ARHGAP26: variants seen among roughly 807,000 people sequenced by gnomAD.
ARHGAP26 encodes the protein rho GTPase-activating protein 26.
A neutral mutation model predicts 104.8 loss-of-function variants in ARHGAP26; 38 were observed. That is an observed-to-expected ratio of 0.36 (90% CI 0.28 to 0.48). The LOEUF (loss-of-function observed/expected upper bound fraction) is 0.48, where lower values mean the gene tolerates loss of function less well. Ranked by LOEUF, ARHGAP26 falls within the 20% of genes least tolerant of loss-of-function variation. ARHGAP26 has a pLI of 0.99. For synonymous variants in ARHGAP26, 341 were observed against 340.0 expected (o/e 1.00, Z -0.03); for missense variants, 704 against 947.9 (o/e 0.74, Z 3.38).
intron 12 of ARHGAP26, among the ~76,000 whole-genome samples, chr5:143,017,113 A>G (rs1403779222): frequency 3.9e-5 from 6 of 152,324 alleles, no homozygotes; most frequent in Admixed American, 3.3e-4. Flanking sequence ...AAATGTCTAG[A>G]GTCCAAATTC....
intron 1 of ARHGAP26, among the ~76,000 whole-genome samples, chr5:142,842,617 A>G (rs1771038634): frequency 6.6e-6 from 1 of 152,168 alleles, no homozygotes; most frequent in Admixed American, 6.5e-5. Context: ...CCAATAATTG[A>G]TCTAAAAGTG....
chr5:142,772,983 T>G, intron 1 of ARHGAP26: 1 of 494,124 alleles, frequency 2.0e-6, no homozygotes, highest in Admixed American at 2.1e-5. Context: ...AGCCCTGTAA[T>G]CTGGAGGAAA....
chr5:143,059,099 G>A lies in ARHGAP26; in HGVS notation c.1538+1352G>A, dbSNP rs543440917. ...AGTTCCACACAACCTAGAGTCAGGCGTTTGTTAAGCAGAGAAGCTGGTTTA... is the reference window on the plus strand; with the variant it reads ...AGTTCCACACAACCTAGAGTCAGGCATTTGTTAAGCAGAGAAGCTGGTTTA... On this transcript the variant is annotated intron_variant, in intron 17 of 22. Coordinates refer to ENST00000645722, the MANE Select transcript of ARHGAP26 (RefSeq NM_001135608.3). Among the ~76,000 whole-genome samples the A allele has an allele frequency of 1.3e-3, 191 of 152,346 alleles. 1 individual carries two copies. The highest frequency in any genetic ancestry group is 4.5e-3 in the African/African-American group (189 of 41,574).
At chr5:142,919,517 A>C in intron 10 of ARHGAP26, 1 of 397,524 alleles carries the variant, frequency 2.5e-6, no homozygotes, top group Non-Finnish European at 4.4e-6. Context: ...GGCCTTTCTC[A>C]ATGAAGCAGC....
chr5:143,159,193 T>G (rs1562526510), intron 20 of ARHGAP26, among the ~76,000 whole-genome samples: 1 of 152,216 alleles, frequency 6.6e-6, no homozygotes, highest in East Asian at 1.9e-4. Flanking sequence ...AATAAATGCC[T>G]TGGCCGTCTC....
At chr5:143,012,576 T>TATATATATATGTATATATA (rs1554195628) in intron 11 of ARHGAP26, among the ~76,000 whole-genome samples, 2 of 57,030 alleles carry the variant, frequency 3.5e-5, no homozygotes, top group Non-Finnish European at 1.0e-4. Context: ...TATATATATA[T>TATATATATATGTATATATA]TATGATCAGG....
intron 20 of ARHGAP26, among the ~76,000 whole-genome samples, chr5:143,194,509 G>T (rs1806477360): frequency 6.6e-6 from 1 of 151,818 alleles, no homozygotes. Flanking sequence ...AAACCTTTTT[G>T]CACTATAAGT....
At chr5:143,133,222 A>G (rs1462980045) in intron 18 of ARHGAP26, among the ~76,000 whole-genome samples, 1 of 142,956 alleles carries the variant, frequency 7.0e-6, no homozygotes, top group Non-Finnish European at 1.5e-5. Context: ...CCCTCCTCCA[A>G]AAAAAAAGCT....
intron 11 of ARHGAP26, among the ~76,000 whole-genome samples, chr5:142,993,873 G>A (rs1236350733): frequency 1.3e-5 from 2 of 151,206 alleles, no homozygotes; most frequent in Non-Finnish European, 2.9e-5. Flanking sequence ...GACTCCTTAT[G>A]TTGCCCAGAT....
At chr5:143,205,860 T>C (rs970770756) in intron 20 of ARHGAP26, among the ~76,000 whole-genome samples, 14 of 152,218 alleles carry the variant, frequency 9.2e-5, no homozygotes, top group Admixed American at 6.5e-4. Context: ...CTACAGACAC[T>C]GGATATTTTA....
intron 12 of ARHGAP26, among the ~76,000 whole-genome samples, chr5:143,018,150 A>C (rs1486297259): frequency 6.6e-6 from 1 of 152,162 alleles, no homozygotes; most frequent in African/African-American, 2.4e-5. Context: ...CTCTTCTGTT[A>C]ATTGCCTATT....
intron 11 of ARHGAP26, among the ~76,000 whole-genome samples, chr5:142,962,366 G>A (rs1206369166): frequency 6.6e-6 from 1 of 152,086 alleles, no homozygotes; most frequent in Non-Finnish European, 1.5e-5. Flanking sequence ...CTTTGGGTGG[G>A]GCTGCTTTTG....
At chr5:142,970,640 G>A (rs1015002506) in intron 11 of ARHGAP26, among the ~76,000 whole-genome samples, 2 of 152,208 alleles carry the variant, frequency 1.3e-5, no homozygotes, top group African/African-American at 4.8e-5. Flanking sequence ...AGAATATGCT[G>A]ATTGGCCAGG....
At chr5:142,803,253 G>A (rs1762399843) in intron 1 of ARHGAP26, among the ~76,000 whole-genome samples, 1 of 152,098 alleles carries the variant, frequency 6.6e-6, no homozygotes, top group African/African-American at 2.4e-5. Context: ...AAAATTTTCA[G>A]AATAAATATG....
chr5:142,980,352 C>CTTTTTATTTTAT (rs375787576), intron 11 of ARHGAP26, among the ~76,000 whole-genome samples: 1 of 131,468 alleles, frequency 7.6e-6, no homozygotes, highest in Non-Finnish European at 1.6e-5. Context: ...CTCTAGGAAC[C>CTTTTTATTTTAT]TTTATTTTAT....
At chr5:142,997,532 C>T (rs1025046115) in intron 11 of ARHGAP26, among the ~76,000 whole-genome samples, 1 of 151,800 alleles carries the variant, frequency 6.6e-6, no homozygotes, top group Non-Finnish European at 1.5e-5. Context: ...CCTCAGCCTC[C>T]CAGGTAGCTG....
At chr5:142,921,754 C>G (rs1024328053) in intron 10 of ARHGAP26, 1 of 154,810 alleles carries the variant, frequency 6.5e-6, no homozygotes, top group Admixed American at 6.5e-5. Flanking sequence ...GTGGTTTAAC[C>G]ACATCTGTAA....
intron 20 of ARHGAP26, among the ~76,000 whole-genome samples, chr5:143,205,410 G>T (rs775734195): frequency 1.3e-5 from 2 of 152,130 alleles, no homozygotes; most frequent in Non-Finnish European, 2.9e-5. Flanking sequence ...CCGCCAGACC[G>T]AACACTGGAG....
chr5:142,773,764 A>G (rs780451713), intron 1 of ARHGAP26, among the ~76,000 whole-genome samples: 13 of 152,226 alleles, frequency 8.5e-5, no homozygotes, highest in Non-Finnish European at 1.9e-4. Context: ...TTTTGGGGGT[A>G]GCACTGAATG....
Sources: allele counts gnomAD v4.1 joint callset (sites outside exome capture counted in the v4.1 genomes callset), GRCh38; gene constraint gnomAD v4.1.1; transcripts MANE v1.5; gene names NCBI Gene and HGNC (gene_info 2026-07-23, HGNC 2026-07-21).